REC114: variants seen among roughly 807,000 people sequenced by gnomAD.
The protein encoded by REC114 is REC114 meiotic recombination protein, also known as meiotic recombination protein REC114.
Under a neutral mutation model 31.3 loss-of-function variants are expected in REC114, and 27 were observed. The ratio of observed to expected loss-of-function variants is 0.86; its 90% CI spans 0.64 to 1.19. The LOEUF is 1.19. Ranked by LOEUF, REC114 falls within the 50% of genes most tolerant of loss-of-function variation. The pLI is 0.00. For missense variants in REC114, 344 were observed against 326.9 expected, an observed-to-expected ratio of 1.05 and a Z score of -0.40; for synonymous variants, 134 against 127.7, an observed-to-expected ratio of 1.05 and a Z score of -0.33.
intron 2 of REC114, among the ~76,000 whole-genome samples, chr15:73,524,632 C>CT (rs1324668137): frequency 6.6e-6 from 1 of 152,116 alleles, no homozygotes; most frequent in East Asian, 1.9e-4. Flanking sequence ...GAGTCTCACT[C>CT]TGTTGCCCAG....
At chr15:73,448,310 G>GT (rs1382780646) in intron 1 of REC114, among the ~76,000 whole-genome samples, 3 of 152,116 alleles carry the variant, frequency 2.0e-5, no homozygotes, top group Non-Finnish European at 1.5e-5. Context: ...TATCTTGGTG[G>GT]GGGGAAGGGC....
At chr15:73,511,699 G>A (rs1893772615) in intron 2 of REC114, among the ~76,000 whole-genome samples, 2 of 148,470 alleles carry the variant, frequency 1.3e-5, no homozygotes, top group Admixed American at 1.3e-4. Flanking sequence ...ATTTCGTTAT[G>A]TATCCAGTAG....
intron 5 of REC114, among the ~76,000 whole-genome samples, chr15:73,557,573 T>A (rs945249364): frequency 6.6e-6 from 1 of 152,156 alleles, no homozygotes; most frequent in Non-Finnish European, 1.5e-5. Flanking sequence ...TGAAAAAAAT[T>A]ATTTGTCCAG....
At chr15:73,451,368 C>T (rs780973052) in intron 1 of REC114, among the ~76,000 whole-genome samples, 1 of 152,166 alleles carries the variant, frequency 6.6e-6, no homozygotes, top group Non-Finnish European at 1.5e-5. Context: ...CACAAATAAA[C>T]TAGAAAATCT....
intron 2 of REC114, among the ~76,000 whole-genome samples, chr15:73,513,301 C>T (rs1365126416): frequency 9.9e-5 from 15 of 151,840 alleles, no homozygotes; most frequent in Non-Finnish European, 1.6e-4. Flanking sequence ...TCCATCAGCT[C>T]CTTTAAGCAC....
At chr15:73,517,386 A>C (rs1353870332) in intron 2 of REC114, among the ~76,000 whole-genome samples, 1 of 152,218 alleles carries the variant, frequency 6.6e-6, no homozygotes, top group African/African-American at 2.4e-5. Flanking sequence ...GTGGGCAAGA[A>C]GATACATGAA....
In REC114 at chr15:73,548,574, G is replaced by A. The variant is rs549832614; in HGVS notation, c.334-2364G>A. The stretch of plus-strand genomic sequence containing the variant: ...AAGTAAAAAAATAACAGATGCTGGC[G>A]AGTTGTACTTATATACTGTTGGTGG... On this transcript the variant is annotated intron_variant, in intron 3 of 5. Coordinates refer to ENST00000331090, the MANE Select transcript of REC114 (RefSeq NM_001042367.2). Among the ~76,000 whole-genome samples the A allele has an allele frequency of 2.6e-5, 4 of 152,246 alleles. No homozygotes were observed. In the South Asian group the frequency reaches 6.2e-4, roughly 24 times the overall value.
intron 1 of REC114, among the ~76,000 whole-genome samples, chr15:73,464,636 C>CT (rs1893032660): frequency 6.6e-6 from 1 of 152,096 alleles, no homozygotes; most frequent in Non-Finnish European, 1.5e-5. Flanking sequence ...TGGCCAACTC[C>CT]TTTGTGACTC....
chr15:73,497,673 T>A (rs1893548024), intron 2 of REC114, among the ~76,000 whole-genome samples: 1 of 152,206 alleles, frequency 6.6e-6, no homozygotes, highest in African/African-American at 2.4e-5. Flanking sequence ...ATGTGATACA[T>A]ATAGTAATAT....
rs576871413 is a variant in REC114, at chr15:73,443,305, A to G, written c.120A>G (p.Pro40=). The G allele has an allele frequency of 1.8e-5, 28 of 1,582,944 alleles. No homozygotes were observed. The South Asian group carries it at 1.9e-4, about 11-fold the overall frequency. Residue 40 remains proline, a synonymous_variant, in exon 1 of 6, where the codon CCA becomes CCG. Transcript: ENST00000331090. ...CAAACACCAGAGACCCACCTGGGCC[A>G]TGCCTGGAAGCTGGGACAGCCCCCT... ...IPSNTRDPPG[P]CLEAGTAPCP... is the part of the protein sequence containing the mutation.
intron 1 of REC114, among the ~76,000 whole-genome samples, chr15:73,447,467 G>T (rs1422170157): frequency 6.6e-6 from 1 of 152,060 alleles, no homozygotes; most frequent in East Asian, 1.9e-4. Context: ...ACTTTGGGAG[G>T]CCAAGATGGG....
At chr15:73,505,857 A>G (rs1893669172) in intron 2 of REC114, among the ~76,000 whole-genome samples, 1 of 152,158 alleles carries the variant, frequency 6.6e-6, no homozygotes, top group Admixed American at 6.5e-5. Context: ...TACCCTGGTT[A>G]TAGTTGGTAG....
intron 1 of REC114, among the ~76,000 whole-genome samples, chr15:73,467,101 A>G (rs1018591501): frequency 3.3e-5 from 5 of 152,240 alleles, no homozygotes; most frequent in South Asian, 2.1e-4. Flanking sequence ...AGTTTCCCCA[A>G]TGAACTTATA....
intron 2 of REC114, among the ~76,000 whole-genome samples, chr15:73,522,254 C>G (rs1893946789): frequency 6.6e-6 from 1 of 152,160 alleles, no homozygotes; most frequent in Admixed American, 6.5e-5. Context: ...ATCATACTAC[C>G]TGCTTCTTTA....
At chr15:73,506,320 T>G (rs1174401133) in intron 2 of REC114, among the ~76,000 whole-genome samples, 6 of 152,224 alleles carry the variant, frequency 3.9e-5, no homozygotes, top group Non-Finnish European at 8.8e-5. Flanking sequence ...TTGTCTTGGT[T>G]CTGCTTTTAA....
At chr15:73,512,027 TA>T (rs1332717405) in intron 2 of REC114, among the ~76,000 whole-genome samples, 1 of 123,620 alleles carries the variant, frequency 8.1e-6, no homozygotes, top group East Asian at 2.3e-4. Flanking sequence ...TTGATCTGTC[TA>T]ATGTTGACAG....
intron 2 of REC114, among the ~76,000 whole-genome samples, chr15:73,539,823 C>T (rs771265376): frequency 3.9e-5 from 6 of 152,072 alleles, no homozygotes; most frequent in African/African-American, 9.7e-5. Flanking sequence ...ACATAACTGG[C>T]GCTTAAGAGC....
intron 1 of REC114, among the ~76,000 whole-genome samples, chr15:73,461,714 A>G (rs919225698): frequency 3.9e-5 from 6 of 152,108 alleles, no homozygotes; most frequent in Non-Finnish European, 8.8e-5. Flanking sequence ...GAGGTTCCAA[A>G]TAAAGCTGTG....
chr15:73,482,385 C>T (rs1302131995), intron 2 of REC114, among the ~76,000 whole-genome samples: 1 of 152,154 alleles, frequency 6.6e-6, no homozygotes, highest in African/African-American at 2.4e-5. Context: ...CCTGTTCTTG[C>T]CATGCGACAT....
Sources: gnomAD v4.1 joint callset for allele counts (sites outside exome capture counted in the v4.1 genomes callset) on GRCh38, gnomAD v4.1.1 for gene constraint, MANE v1.5 for transcripts, NCBI Gene and HGNC (gene_info 2026-07-23, HGNC 2026-07-21) for gene names.